Variants in SYNE1 observed in about 807,000 individuals in gnomAD.
SYNE1 encodes nesprin-1.
Under a neutral mutation model 1,111.0 loss-of-function variants are expected in SYNE1, and 616 were observed. The ratio of observed to expected loss-of-function variants is 0.55; its 90% CI spans 0.52 to 0.59. The LOEUF is 0.59. Ranked by LOEUF, SYNE1 falls within the 20% of genes least tolerant of loss-of-function variation. SYNE1 has a pLI of 0.00. For missense variants in SYNE1, 10,006 were observed against 10,417.0 expected (o/e 0.96, Z 1.72); for synonymous variants, 3,855 against 3,825.8 (o/e 1.01, Z -0.28).
At chr6:152,605,076 AGAAGGAAGGAAG>A (rs376634946) in intron 3 of SYNE1, among the ~76,000 whole-genome samples, 1,003 of 32,388 alleles carry the variant, frequency 0.031, 33 homozygotes, top group East Asian at 0.052. Flanking sequence ...GAGGGAGGAA[AGAAGGAAGGAAG>A]GAAGGAAGGA....
At chr6:152,616,054 T>C (rs1405693) in intron 3 of SYNE1, among the ~76,000 whole-genome samples, 108,894 of 152,138 alleles carry the variant, frequency 0.72, 39,070 homozygotes, top group East Asian at 0.81. Context: ...TTATTCAGTA[T>C]GACTTAAATG....
intron 3 of SYNE1, among the ~76,000 whole-genome samples, chr6:152,627,772 G>A (rs940169353): frequency 4.6e-5 from 7 of 152,070 alleles, no homozygotes; most frequent in Admixed American, 2.6e-4. Context: ...TTATCACATC[G>A]TTTCATCTCT....
intron 31 of SYNE1, 85 bp downstream of exon 31, chr6:152,441,990 A>T: frequency 6.6e-7 from 1 of 1,506,882 alleles, no homozygotes; most frequent in South Asian, 1.1e-5. Context: ...GCGGTAACAA[A>T]GGTTCGCCTT....
rs776459203 is a variant in SYNE1, at chr6:152,224,580, G to A, written c.21436C>T (p.Leu7146Phe). Reference protein sequence around the residue: ...KVAFDKINSYLMEARYSLSRF... With the variant: ...KVAFDKINSYFMEARYSLSRF... ...GAAAGAGAGTATCTGGCCTCCATGA[G>A]GTAACTGTTTATCTTGTCAAAGGCC... The change falls in exon 117 of 146, where the codon CTC becomes TTC. Residue 7146 changes from leucine (L) to phenylalanine (F), a missense_variant. Leu to Phe is a conservative substitution (Grantham distance 22). Transcript: ENST00000367255. The A allele has an allele frequency of 2.7e-5, 43 of 1,613,828 alleles. 1 individual carries two copies. In the South Asian group the frequency reaches 4.4e-4, roughly 16 times the overall value.
At chr6:152,451,919 C>A (rs1240311856) in intron 25 of SYNE1, among the ~76,000 whole-genome samples, 2 of 151,604 alleles carry the variant, frequency 1.3e-5, no homozygotes, top group Non-Finnish European at 2.9e-5. Context: ...TTGTCAATGA[C>A]CTTGTGAGGT....
rs202173395 is a variant in SYNE1 at position 152,350,757 on chromosome 6, G to A, written c.11594C>T (p.Thr3865Met). Residue 3865 changes from threonine to methionine, a missense_variant, in exon 71 of 146, where the codon ACG becomes ATG. Transcript: ENST00000367255. ...QLSKYKSLQQTVLSHEPSVKS... is the reference protein window; with the variant it reads ...QLSKYKSLQQMVLSHEPSVKS... ...TACTGATGGTTCATGGGACAGCACCGTTTGTTGAAGTGACTTGAATTACAA... is the reference window on the plus strand; with the variant it reads ...TACTGATGGTTCATGGGACAGCACCATTTGTTGAAGTGACTTGAATTACAA... 1.5e-4 allele frequency: 249 copies of A among 1,608,106 alleles called. 1 individual carries two copies. The highest frequency in any genetic ancestry group is 1.5e-4 in the Admixed American group (9 of 58,784).
Position 152,219,096 on chromosome 6 carries a change from G to C in SYNE1, c.21951C>G (p.Ser7317=). 6.2e-7 allele frequency: 1 copy of C among 1,613,864 alleles called. No individual in the cohort carries two copies. Among genetic ancestry groups the C allele is most frequent in the Non-Finnish European group, 8.5e-7 (1 of 1,179,796 alleles). Residue 7317 remains serine, a synonymous_variant, in exon 120 of 146, where the codon TCC becomes TCG. Transcript: ENST00000367255. The part of the protein sequence containing the change: ...GEQLKQQVDA[S]AASAIQSDQL... ...GATCCGATTGAATAGCTGATGCTGC[G>C]GAAGCATCCACTTGTTGCTTCAGTT... is the stretch of plus-strand genomic sequence containing the variant.
At chr6:152,189,436 A>T (rs2071541271) in intron 127 of SYNE1, 29 bp from the exon 128 acceptor site, 1 of 1,611,204 alleles carries the variant, frequency 6.2e-7, no homozygotes, top group East Asian at 2.2e-5. Context: ...TTGAATACCC[A>T]CGGACATCTC....
intron 140 of SYNE1, among the ~76,000 whole-genome samples, chr6:152,138,130 G>A (rs975473947): frequency 1.3e-4 from 20 of 152,170 alleles, no homozygotes; most frequent in African/African-American, 4.8e-4. Context: ...AATTCATGGG[G>A]TAGTGTAGAG....
chr6:152,158,451 GC>G (rs2061789079), intron 131 of SYNE1, among the ~76,000 whole-genome samples: 1 of 151,940 alleles, frequency 6.6e-6, no homozygotes, highest in Non-Finnish European at 1.5e-5. Context: ...CAACATCTAT[GC>G]AAACACTAGC....
intron 3 of SYNE1, among the ~76,000 whole-genome samples, chr6:152,571,938 T>A (rs1464410825): frequency 2.6e-5 from 4 of 152,214 alleles, no homozygotes; most frequent in Admixed American, 2.6e-4. Context: ...ATCACAGTTT[T>A]TAAAAATTTC....
intron 14 of SYNE1, chr6:152,481,213 A>G (rs930554691): frequency 4.5e-6 from 1 of 221,072 alleles, no homozygotes; most frequent in African/African-American, 2.3e-5. Flanking sequence ...GGTATTATAC[A>G]AAGAACAATT....
At chr6:152,460,617 C>T (rs1166505593) in intron 21 of SYNE1, among the ~76,000 whole-genome samples, 2 of 151,672 alleles carry the variant, frequency 1.3e-5, no homozygotes, top group Admixed American at 6.6e-5. Flanking sequence ...AATTAATTAC[C>T]CAATCTAGGT....
intron 91 of SYNE1, among the ~76,000 whole-genome samples, chr6:152,302,487 A>T (rs1455072549): frequency 6.6e-6 from 1 of 152,240 alleles, no homozygotes; most frequent in Non-Finnish European, 1.5e-5. Context: ...ACCAAAAAAA[A>T]TGCAAGGCTC....
chr6:152,526,008 T>G (rs893321713), intron 5 of SYNE1, 72 bp downstream of exon 5: 1 of 1,425,158 alleles, frequency 7.0e-7, no homozygotes, highest in Non-Finnish European at 9.9e-7. Context: ...ATCTTAGCAC[T>G]CTCAACTCCA....
intron 79 of SYNE1, 40 bp downstream of exon 79, chr6:152,326,256 C>A: frequency 6.2e-7 from 1 of 1,613,138 alleles, no homozygotes; most frequent in South Asian, 1.1e-5. Context: ...TGTGGAAATT[C>A]ATTTCACTAA....
Position 152,273,640 on chromosome 6 carries a change from T to A in SYNE1, c.18574-4354A>T, listed in dbSNP as rs531489678. The stretch of plus-strand genomic sequence containing the variant: ...CACAAATTATTTTAAAATTTTAGAT[T>A]TAAATGTCAACGTTTAAAAGTTGGG... On this transcript the variant is annotated intron_variant, in intron 98 of 145. Transcript: ENST00000367255. 2.0e-5 allele frequency among the ~76,000 whole-genome samples: 3 copies of A among 152,338 alleles called. No homozygotes were observed. The South Asian group carries it at 6.2e-4, about 32-fold the overall frequency.
At chr6:152,343,811 G>A (rs1016065411) in intron 74 of SYNE1, among the ~76,000 whole-genome samples, 2 of 151,808 alleles carry the variant, frequency 1.3e-5, no homozygotes, top group Non-Finnish European at 2.9e-5. Flanking sequence ...CAAGTGATTC[G>A]CCCGTTTTGG....
intron 125 of SYNE1, 38 bp downstream of exon 125, chr6:152,207,934 G>A: frequency 1.9e-6 from 3 of 1,605,182 alleles, no homozygotes; most frequent in Non-Finnish European, 2.6e-6. Flanking sequence ...CGGTGGAAAT[G>A]CCTAAGAGGT....
Sources: allele counts gnomAD v4.1 joint callset (sites outside exome capture counted in the v4.1 genomes callset), GRCh38; gene constraint gnomAD v4.1.1; transcripts MANE v1.5; gene names NCBI Gene and HGNC (gene_info 2026-07-23, HGNC 2026-07-21).